Variants in TMEM67 observed in about 807,000 individuals in gnomAD.
TMEM67 encodes meckelin.
In TMEM67, 124 loss-of-function variants were observed where a neutral mutation model predicts 136.6. The observed-to-expected ratio is 0.91, with a 90% CI of 0.78 to 1.05. The LOEUF (loss-of-function observed/expected upper bound fraction) is 1.05. Among genes scored for constraint, TMEM67 ranks in the 50% least tolerant of loss-of-function variants. TMEM67 has a pLI of 0.00. For synonymous variants in TMEM67, 364 were observed against 390.5 expected (o/e 0.93, Z 0.80); for missense variants, 1,107 against 1,178.4 (o/e 0.94, Z 0.89).
the TMEM67 span, among the ~76,000 whole-genome samples, chr8:93,830,409 CA>C: frequency 6.6e-6 from 1 of 152,220 alleles, no homozygotes; most frequent in African/African-American, 2.4e-5. Flanking sequence ...GTGGTTGTAG[CA>C]ACCCCAAATT....
At position 93,813,264 on chromosome 8, in the gene TMEM67, C is replaced by T. The variant is rs558900699; in HGVS notation, c.2765-2041C>T. ...CACAATCTCGGCTCACTGCAACCTC[C>T]GCCTCCCAGGTTCAAGCAGTTCTCC... On this transcript the variant is annotated intron_variant, in intron 26 of 27. Coordinates refer to ENST00000453321, the MANE Select transcript of TMEM67 (RefSeq NM_153704.6). Among the ~76,000 whole-genome samples the T allele has an allele frequency of 1.9e-3, 286 of 151,520 alleles. 4 individuals are homozygous for T. Among genetic ancestry groups the T allele is most frequent in the Admixed American group, 5.5e-3 (83 of 15,222 alleles).
chr8:93,757,298 A>G (rs1047877674), intron 2 of TMEM67, among the ~76,000 whole-genome samples: 16 of 152,184 alleles, frequency 1.1e-4, no homozygotes, highest in Middle Eastern at 3.4e-3. Flanking sequence ...TTCCTAAACC[A>G]TATGATATAA....
At chr8:93,784,038 A>G (rs1563461332) in intron 11 of TMEM67, among the ~76,000 whole-genome samples, 1 of 152,194 alleles carries the variant, frequency 6.6e-6, no homozygotes, top group Non-Finnish European at 1.5e-5. Context: ...ACAAAACCAT[A>G]ACAAAAAATA....
At chr8:93,808,750 A>G (rs974303602) in intron 23 of TMEM67, 90 bp from the exon 24 acceptor site, 2 of 790,614 alleles carry the variant, frequency 2.5e-6, no homozygotes, top group Admixed American at 1.8e-5. Flanking sequence ...GTAATATGTG[A>G]TAACAGCTAA....
chr8:93,796,126 G>A, intron 18 of TMEM67, 139 bp downstream of exon 18: 1 of 672,084 alleles, frequency 1.5e-6, no homozygotes, highest in East Asian at 2.7e-5. Flanking sequence ...ATTTTATGTG[G>A]TAAATTTACT....
chr8:93,824,916 A>G, the TMEM67 span, among the ~76,000 whole-genome samples: 1 of 152,094 alleles, frequency 6.6e-6, no homozygotes, highest in Non-Finnish European at 1.5e-5. Context: ...GGGTTTTACC[A>G]TGTTGGCCAG....
chr8:93,759,885 G>T, intron 3 of TMEM67: 1 of 1,099,942 alleles, frequency 9.1e-7, no homozygotes, highest in Non-Finnish European at 1.3e-6. Context: ...CCGACCTCAG[G>T]TGATCTGCCT....
upstream of TMEM67, chr8:93,754,853 A>C: frequency 6.6e-7 from 1 of 1,522,520 alleles, no homozygotes; most frequent in Non-Finnish European, 9.1e-7. Context: ...CAATCAGCTC[A>C]GCGAAGCCGC....
chr8:93,812,167 TAAAG>T (rs1395229360), intron 26 of TMEM67, among the ~76,000 whole-genome samples: 3 of 137,716 alleles, frequency 2.2e-5, no homozygotes, highest in Admixed American at 7.1e-5. Flanking sequence ...AAAAAAAAAG[TAAAG>T]AAAAGAAAAA....
chr8:93,810,189 T>C (rs1225810555), intron 26 of TMEM67, among the ~76,000 whole-genome samples: 1 of 150,576 alleles, frequency 6.6e-6, no homozygotes, highest in African/African-American at 2.4e-5. Context: ...CAGGATGGTC[T>C]TGATCTCTTG....
upstream of TMEM67, chr8:93,754,855 C>G (rs759085291): frequency 2.0e-6 from 3 of 1,533,378 alleles, no homozygotes; most frequent in East Asian, 6.7e-5. Context: ...ATCAGCTCAG[C>G]GAAGCCGCCG....
the TMEM67 span, among the ~76,000 whole-genome samples, chr8:93,826,666 C>T: frequency 6.6e-6 from 1 of 152,064 alleles, no homozygotes; most frequent in Non-Finnish European, 1.5e-5. Context: ...TTTATAAGCC[C>T]AATGATCTCT....
intron 6 of TMEM67, 132 bp from the exon 7 acceptor site, chr8:93,772,457 C>A: frequency 1.5e-6 from 1 of 679,512 alleles, no homozygotes; most frequent in Non-Finnish European, 2.6e-6. Flanking sequence ...TGGTTAAAAT[C>A]AATTCTTGTA....
chr8:93,787,070 A>G (rs182500766), intron 13 of TMEM67, among the ~76,000 whole-genome samples: 1 of 152,164 alleles, frequency 6.6e-6, no homozygotes, highest in Non-Finnish European at 1.5e-5. Context: ...GTCTGCTAAT[A>G]TGGTGTTCCT....
At chr8:93,754,891 T>G, upstream of TMEM67, 1 of 1,605,358 alleles carries the variant, frequency 6.2e-7, no homozygotes, top group Non-Finnish European at 8.5e-7. Flanking sequence ...GGCTGGAGGC[T>G]GTGAGGCTTC....
intron 7 of TMEM67, among the ~76,000 whole-genome samples, chr8:93,776,692 G>A (rs542855669): frequency 6.6e-6 from 1 of 152,332 alleles, no homozygotes; most frequent in African/African-American, 2.4e-5. Flanking sequence ...TAGCATCCCA[G>A]GGATGAAGTC....
At chr8:93,824,758 C>T in the TMEM67 span, among the ~76,000 whole-genome samples, 3 of 152,260 alleles carry the variant, frequency 2.0e-5, no homozygotes, top group South Asian at 6.2e-4. Flanking sequence ...CTCTGTTGCC[C>T]AGGCTGGAGT....
chr8:93,778,027 C>G (rs1000280591), intron 7 of TMEM67, among the ~76,000 whole-genome samples: 1 of 152,300 alleles, frequency 6.6e-6, no homozygotes, highest in Admixed American at 6.5e-5. Flanking sequence ...CTTTATGAAT[C>G]TGGGTGCTCC....
At chr8:93,809,388 C>T (rs558081148) in intron 25 of TMEM67, among the ~76,000 whole-genome samples, 4 of 152,158 alleles carry the variant, frequency 2.6e-5, no homozygotes, top group South Asian at 2.1e-4. Context: ...AATTAGGTTA[C>T]GCAAAAGTAA....
Sources: allele counts gnomAD v4.1 joint callset (sites outside exome capture counted in the v4.1 genomes callset), GRCh38; gene constraint gnomAD v4.1.1; transcripts MANE v1.5; gene names NCBI Gene and HGNC (gene_info 2026-07-23, HGNC 2026-07-21).